RAD18: variants seen among roughly 807,000 people sequenced by gnomAD.
RAD18 encodes the protein E3 ubiquitin-protein ligase RAD18.
RAD18 carries 47 observed loss-of-function variants against 60.4 expected under a neutral mutation model. The observed-to-expected ratio is 0.78, with a 90% CI of 0.62 to 0.99. The LOEUF is 0.99. Ranked by LOEUF, RAD18 falls within the 50% of genes least tolerant of loss-of-function variation. The pLI is 0.00. For synonymous variants in RAD18, 225 were observed against 195.5 expected, an observed-to-expected ratio of 1.15 and a Z score of -1.26; for missense variants, 640 against 593.3, an observed-to-expected ratio of 1.08 and a Z score of -0.82.
Position 8,880,767 on chromosome 3 carries a change from T to G in RAD18, c.*590A>C, listed in dbSNP as rs1446429649. 6.6e-6 allele frequency: 1 copy of G among 152,202 alleles called. No homozygotes were observed. Among genetic ancestry groups the G allele is most frequent in the Non-Finnish European group, 1.5e-5 (1 of 68,066 alleles). 9.4% of individuals were successfully genotyped at this position (152,202 alleles called of 1,614,324 possible). ...GTAGCTTTAAATTATAATACTAATA[T>G]CCTACTCTGAGAAATGTGTAAGACA... is the stretch of plus-strand genomic sequence containing the variant. On this transcript the variant is annotated 3_prime_UTR_variant, in exon 13 of 13. Transcript: ENST00000264926.
At chr3:8,933,703 AG>A (rs1264037030) in intron 7 of RAD18, among the ~76,000 whole-genome samples, 2 of 152,212 alleles carry the variant, frequency 1.3e-5, no homozygotes, top group African/African-American at 2.4e-5. Flanking sequence ...AAGACAAAAA[AG>A]GGGACAAACC....
In RAD18 at chr3:8,898,974, T is replaced by G; in HGVS notation, c.1242A>C (p.Glu414Asp). 1.2e-6 allele frequency: 2 copies of G among 1,610,770 alleles called. No individual in the cohort carries two copies. The highest frequency in any genetic ancestry group is 8.5e-7 in the Non-Finnish European group (1 of 1,177,650). The change falls in exon 11 of 13, where the codon GAA (glutamate) becomes GAC (aspartate). Residue 414 changes from glutamate (E) to aspartate (D), a missense_variant. Transcript: ENST00000264926. ...TAGAAGAATCCTCTTCTCTGTCAGGTTCCAATTCCTCTGGGGAGTCCAGCT... is the reference window on the plus strand; with the variant it reads ...TAGAAGAATCCTCTTCTCTGTCAGGGTCCAATTCCTCTGGGGAGTCCAGCT... ...QSKLDSPEEL[E>D]PDREEDSSSC...
intron 9 of RAD18, among the ~76,000 whole-genome samples, chr3:8,907,204 T>G (rs1177953636): frequency 6.6e-6 from 1 of 152,242 alleles, no homozygotes; most frequent in Non-Finnish European, 1.5e-5. Context: ...GCTCATCGCA[T>G]TTTTTGCTTA....
At chr3:8,950,628 A>G (rs1477269754) in intron 2 of RAD18, among the ~76,000 whole-genome samples, 5 of 152,226 alleles carry the variant, frequency 3.3e-5, no homozygotes, top group African/African-American at 9.6e-5. Context: ...CATCATTTCC[A>G]GTTATTAACA....
At chr3:8,931,407 T>C (rs1245918831) in intron 7 of RAD18, 1 of 152,228 alleles carries the variant, frequency 6.6e-6, no homozygotes, top group East Asian at 1.9e-4. Flanking sequence ...AGTCTTAATA[T>C]TGTTAAGATA....
intron 12 of RAD18, among the ~76,000 whole-genome samples, chr3:8,882,626 A>G (rs1398803620): frequency 6.6e-6 from 1 of 152,238 alleles, no homozygotes; most frequent in Non-Finnish European, 1.5e-5. Context: ...AGACACAGAC[A>G]TGGTGAAGAT....
rs1187063678 is a variant in RAD18 at position 8,880,289 on chromosome 3, T to C, written c.*1068A>G. 6.6e-6 allele frequency: 1 copy of C among 152,238 alleles called. No individual in the cohort carries two copies. The highest frequency in any genetic ancestry group is 2.4e-5 in the African/African-American group (1 of 41,458). The allele number at this position is 152,238 out of a possible 1,614,324, so 9.4% of individuals were successfully genotyped here. On this transcript the variant is annotated 3_prime_UTR_variant, in exon 13 of 13. Transcript: ENST00000264926. ...TCTTTGGAAGGGGAGGTCATAAATG[T>C]TGAATCTGGCAAATCATAAATTTCT...
At chr3:8,885,838 C>A (rs1379747874) in intron 12 of RAD18, among the ~76,000 whole-genome samples, 1 of 152,214 alleles carries the variant, frequency 6.6e-6, no homozygotes, top group Non-Finnish European at 1.5e-5. Flanking sequence ...AAATATATTA[C>A]AGTTAGGCCT....
chr3:8,913,144 G>A (rs1940131831), intron 8 of RAD18, among the ~76,000 whole-genome samples: 1 of 152,156 alleles, frequency 6.6e-6, no homozygotes, highest in Non-Finnish European at 1.5e-5. Flanking sequence ...GGGGCATCAA[G>A]CTAGTGGAAG....
chr3:8,941,377 T>G, intron 5 of RAD18, 90 bp downstream of exon 5: 1 of 1,168,008 alleles, frequency 8.6e-7, no homozygotes. Flanking sequence ...CCTTTACCAT[T>G]CCTTCCCCCT....
chr3:8,917,847 A>C (rs1022996492), intron 7 of RAD18, among the ~76,000 whole-genome samples: 1 of 152,170 alleles, frequency 6.6e-6, no homozygotes, highest in African/African-American at 2.4e-5. Flanking sequence ...TTGGATAAAA[A>C]AGCAAGACCA....
chr3:8,931,066 T>A (rs960187165), intron 7 of RAD18, among the ~76,000 whole-genome samples: 22 of 151,130 alleles, frequency 1.5e-4, no homozygotes, highest in African/African-American at 5.4e-4. Flanking sequence ...CTGAAAAAAA[T>A]AAATAAATAA....
chr3:8,942,633 A>T (rs939637771), intron 4 of RAD18, among the ~76,000 whole-genome samples: 5 of 152,216 alleles, frequency 3.3e-5, no homozygotes, highest in African/African-American at 1.2e-4. Context: ...AGCATTTTCT[A>T]GGAATGGGTA....
At chr3:8,893,806 C>T (rs1939739427) in intron 11 of RAD18, among the ~76,000 whole-genome samples, 1 of 151,242 alleles carries the variant, frequency 6.6e-6, no homozygotes, top group South Asian at 2.1e-4. Context: ...AAGGAATCCT[C>T]CCACCACATC....
chr3:8,955,510 G>A (rs1940993888), intron 2 of RAD18, among the ~76,000 whole-genome samples: 1 of 152,206 alleles, frequency 6.6e-6, no homozygotes, highest in Non-Finnish European at 1.5e-5. Flanking sequence ...GGCTGGGAGA[G>A]AATAGTGGAG....
At chr3:8,939,029 G>C (rs1940700079) in intron 6 of RAD18, among the ~76,000 whole-genome samples, 1 of 152,094 alleles carries the variant, frequency 6.6e-6, no homozygotes, top group Non-Finnish European at 1.5e-5. Flanking sequence ...ATACCTGGAG[G>C]ATGGGGGGGT....
intron 7 of RAD18, among the ~76,000 whole-genome samples, chr3:8,920,799 T>A (rs1439494333): frequency 6.6e-6 from 1 of 152,152 alleles, no homozygotes; most frequent in African/African-American, 2.4e-5. Context: ...AAAGAAAGGC[T>A]GAGGAATTAT....
chr3:8,907,092 G>T (rs1940021529), intron 9 of RAD18, among the ~76,000 whole-genome samples: 1 of 152,088 alleles, frequency 6.6e-6, no homozygotes. Flanking sequence ...TAACTCCTTT[G>T]GTTCCTCTGA....
intron 7 of RAD18, among the ~76,000 whole-genome samples, chr3:8,924,763 A>G (rs1240486394): frequency 1.2e-3 from 153 of 125,330 alleles, no homozygotes; most frequent in East Asian, 1.8e-3. Flanking sequence ...AACTCACTCA[A>G]AACCGCTCAA....
Sources: allele counts gnomAD v4.1 joint callset (sites outside exome capture counted in the v4.1 genomes callset), GRCh38; gene constraint gnomAD v4.1.1; transcripts MANE v1.5; gene names NCBI Gene and HGNC (gene_info 2026-07-23, HGNC 2026-07-21).